Variants in NEGR1 observed in about 807,000 individuals in gnomAD.
NEGR1 encodes IgLON family member 4.
NEGR1 carries 10 observed loss-of-function variants against 40.9 expected under a neutral mutation model. That is an observed-to-expected ratio of 0.24 (90% confidence interval 0.15 to 0.42). NEGR1 has a LOEUF of 0.42. Among genes scored for constraint, NEGR1 ranks in the 10% least tolerant of loss-of-function variants. NEGR1 has a pLI of 1.00. For synonymous variants in NEGR1, 185 were observed against 166.8 expected (o/e 1.11, Z -0.84); for missense variants, 352 against 438.9 (o/e 0.80, Z 1.77).
At chr1:71,672,775 A>G (rs1417060301) in intron 4 of NEGR1, among the ~76,000 whole-genome samples, 1 of 152,202 alleles carries the variant, frequency 6.6e-6, no homozygotes, top group African/African-American at 2.4e-5. Flanking sequence ...TCAGAAAAAT[A>G]TAGTTGGTGT....
chr1:71,603,370 T>G (rs1308021462), intron 5 of NEGR1, among the ~76,000 whole-genome samples: 4 of 152,228 alleles, frequency 2.6e-5, no homozygotes, highest in Non-Finnish European at 1.5e-5. Flanking sequence ...CTTCTAGTCC[T>G]TTCTGAATAA....
intron 1 of NEGR1, among the ~76,000 whole-genome samples, chr1:72,139,724 A>C (rs887155305): frequency 6.6e-6 from 1 of 152,110 alleles, no homozygotes; most frequent in Non-Finnish European, 1.5e-5. Context: ...CAATTGTAGC[A>C]GGGAGGGATG....
At chr1:71,876,442 G>A (rs1330063848) in intron 2 of NEGR1, among the ~76,000 whole-genome samples, 1 of 151,890 alleles carries the variant, frequency 6.6e-6, no homozygotes, top group East Asian at 1.9e-4. Context: ...TTAGGTTGAG[G>A]TTGCAGTAAG....
intron 1 of NEGR1, among the ~76,000 whole-genome samples, chr1:71,962,908 A>G (rs1430405088): frequency 6.6e-6 from 1 of 151,996 alleles, no homozygotes; most frequent in East Asian, 1.9e-4. Context: ...CAACAACAAC[A>G]AAAACAAAAA....
chr1:71,584,581 G>A (rs1411849621), intron 6 of NEGR1, among the ~76,000 whole-genome samples: 1 of 152,134 alleles, frequency 6.6e-6, no homozygotes, highest in Admixed American at 6.6e-5. Flanking sequence ...AAGCGAAGAT[G>A]ATACAGTGGC....
chr1:72,189,349 C>T (rs192993064), intron 1 of NEGR1, among the ~76,000 whole-genome samples: 6 of 151,586 alleles, frequency 4.0e-5, no homozygotes, highest in Non-Finnish European at 7.4e-5. Flanking sequence ...TTCAAGTTTA[C>T]TCATATTAAT....
intron 1 of NEGR1, among the ~76,000 whole-genome samples, chr1:72,231,172 CA>C (rs781001239): frequency 1.3e-5 from 2 of 152,174 alleles, no homozygotes; most frequent in African/African-American, 2.4e-5. Flanking sequence ...CGTTTCACAT[CA>C]ACTCCTTCAG....
chr1:72,112,080 G>A (rs1281757141), intron 1 of NEGR1, among the ~76,000 whole-genome samples: 1 of 151,704 alleles, frequency 6.6e-6, no homozygotes, highest in African/African-American at 2.4e-5. Context: ...CTAAGAAGCT[G>A]AGTGAAATTT....
chr1:72,085,367 T>C (rs1004972562), intron 1 of NEGR1, among the ~76,000 whole-genome samples: 2 of 152,224 alleles, frequency 1.3e-5, no homozygotes, highest in Admixed American at 6.5e-5. Context: ...AGAGTTAATA[T>C]TGTTGTCCCT....
chr1:71,677,613 C>T lies in NEGR1; in HGVS notation c.667+20395G>A, dbSNP rs367795799. Among the ~76,000 whole-genome samples, 8 of 152,064 alleles carry T rather than the reference C, an allele frequency of 5.3e-5. No homozygotes were observed. The East Asian group carries it at 7.7e-4, about 15-fold the overall frequency. ...GAGCCCATTTGGAGGTTCACATTTGCTATTCATTAATTTAGGCTTTGACAA... is the reference window on the plus strand; with the variant it reads ...GAGCCCATTTGGAGGTTCACATTTGTTATTCATTAATTTAGGCTTTGACAA... On this transcript the variant is annotated intron_variant, in intron 4 of 6. Transcript: ENST00000357731.
intron 3 of NEGR1, among the ~76,000 whole-genome samples, chr1:71,771,853 C>A (rs1384498124): frequency 6.6e-6 from 1 of 151,938 alleles, no homozygotes; most frequent in Non-Finnish European, 1.5e-5. Flanking sequence ...AGAAAAAAAT[C>A]ATCAGTTTGA....
chr1:71,866,501 A>T (rs1014062467), intron 2 of NEGR1, among the ~76,000 whole-genome samples: 2 of 152,198 alleles, frequency 1.3e-5, no homozygotes, highest in Non-Finnish European at 2.9e-5. Flanking sequence ...GAATAATGTA[A>T]ACTGTACTTT....
chr1:72,132,597 T>C (rs1057484804), intron 1 of NEGR1, among the ~76,000 whole-genome samples: 1 of 152,156 alleles, frequency 6.6e-6, no homozygotes, highest in Non-Finnish European at 1.5e-5. Context: ...ATACTGCTAT[T>C]TGTGCACTTC....
intron 2 of NEGR1, among the ~76,000 whole-genome samples, chr1:71,894,410 C>G (rs1381129200): frequency 1.3e-5 from 2 of 152,052 alleles, no homozygotes; most frequent in Admixed American, 1.3e-4. Context: ...AGTAGCAATT[C>G]ATAATGACAA....
intron 1 of NEGR1, among the ~76,000 whole-genome samples, chr1:72,214,818 A>T (rs1653738808): frequency 6.6e-6 from 1 of 151,694 alleles, no homozygotes; most frequent in South Asian, 2.1e-4. Flanking sequence ...TATTCCCATC[A>T]AGCTACCATT....
rs544133187 is a variant in NEGR1, at chr1:71,975,736, T to C, written c.177-40425A>G. The stretch of plus-strand genomic sequence containing the variant: ...CTGCAGATGTGCTAGCTATTCGCCA[T>C]GCGACTGAAGGCGGGTTCTCTGTGG... On this transcript the variant is annotated intron_variant, in intron 1 of 6. Coordinates refer to ENST00000357731, the MANE Select transcript of NEGR1 (RefSeq NM_173808.3). Among the ~76,000 whole-genome samples the C allele has an allele frequency of 3.9e-5, 6 of 152,336 alleles. No homozygotes were observed. The East Asian group carries it at 7.7e-4, about 20-fold the overall frequency.
intron 3 of NEGR1, among the ~76,000 whole-genome samples, chr1:71,715,688 T>C (rs1436585077): frequency 6.6e-6 from 1 of 152,216 alleles, no homozygotes; most frequent in Non-Finnish European, 1.5e-5. Flanking sequence ...GTCTCTCAGC[T>C]AAAGCATAGC....
intron 6 of NEGR1, among the ~76,000 whole-genome samples, chr1:71,509,287 T>C (rs529548611): frequency 3.8e-4 from 58 of 152,306 alleles, no homozygotes; most frequent in African/African-American, 1.3e-3. Flanking sequence ...ATCAGACTTG[T>C]AAGAGTCTGT....
chr1:72,255,065 A>G (rs1422474559), intron 1 of NEGR1, among the ~76,000 whole-genome samples: 1 of 152,184 alleles, frequency 6.6e-6, no homozygotes, highest in Admixed American at 6.5e-5. Flanking sequence ...ACAATATTTC[A>G]TTAAGTCAGT....
Sources: gnomAD v4.1 joint callset for allele counts (sites outside exome capture counted in the v4.1 genomes callset) on GRCh38, gnomAD v4.1.1 for gene constraint, MANE v1.5 for transcripts, NCBI Gene and HGNC (gene_info 2026-07-23, HGNC 2026-07-21) for gene names.